Variants in VAC14 observed in about 807,000 individuals in gnomAD.
VAC14 encodes the protein protein VAC14 homolog.
VAC14 carries 47 observed loss-of-function variants against 85.3 expected under a neutral mutation model. The observed-to-expected ratio is 0.55, with a 90% CI of 0.44 to 0.70. The LOEUF is 0.70. Ranked by LOEUF, VAC14 falls within the 30% of genes least tolerant of loss-of-function variation. VAC14 has a pLI of 0.00. For missense variants in VAC14, 861 were observed against 1,004.3 expected (o/e 0.86, Z 1.93); for synonymous variants, 447 against 430.5 (o/e 1.04, Z -0.47).
intron 14 of VAC14, among the ~76,000 whole-genome samples, chr16:70,727,004 G>C (rs2054448763): frequency 6.6e-6 from 1 of 152,180 alleles, no homozygotes; most frequent in Non-Finnish European, 1.5e-5. Context: ...AACGCTCCCA[G>C]GGTCTTTAGG....
At position 70,784,287 on chromosome 16, in the gene VAC14, C is replaced by T. The variant is rs576797954; in HGVS notation, c.487-67G>A. The T allele has an allele frequency of 4.4e-6, 6 of 1,377,960 alleles. No homozygotes were observed. The East Asian group carries it at 1.2e-4, about 27-fold the overall frequency. The allele number at this position is 1,377,960 out of a possible 1,614,324, so 85.4% of individuals were successfully genotyped here. ...AGGGCTGCCTGACCTCGCTGAATCA[C>T]TTGCCCAGGGCTGGCTCCAGCGCTC... On this transcript the variant is annotated intron_variant, in intron 4 of 18. Transcript: ENST00000261776.
Position 70,786,306 on chromosome 16 carries a change from G to A in VAC14, c.164C>T (p.Thr55Ile). 1 of 1,614,248 alleles carries A rather than the reference G, an allele frequency of 6.2e-7. No homozygotes were observed. The highest frequency in any genetic ancestry group is 8.5e-7 in the Non-Finnish European group (1 of 1,180,044). Residue 55 changes from threonine (T) to isoleucine (I), a missense_variant, in exon 2 of 19, where the codon ACC becomes ATC. Thr to Ile is a moderately conservative substitution (Grantham distance 89). Transcript: ENST00000261776. ...NTVQIKHVIQ[T>I]LSQEFALSQH... ...AGACAGGGCAAACTCCTGGGACAGG[G>A]TCTGGATCACATGCTTGATTTGCAC...
At chr16:70,710,608 C>T (rs1052835920) in intron 14 of VAC14, among the ~76,000 whole-genome samples, 3 of 152,208 alleles carry the variant, frequency 2.0e-5, no homozygotes, top group Non-Finnish European at 2.9e-5. Flanking sequence ...AAACTAGTCC[C>T]TTTGTTCCAG....
At chr16:70,780,659 T>C (rs1009600815) in intron 9 of VAC14, 131 bp downstream of exon 9, 2 of 1,206,906 alleles carry the variant, frequency 1.7e-6, no homozygotes, top group Admixed American at 2.4e-5. Flanking sequence ...GCTGGGTTGC[T>C]GCTACAATTG....
chr16:70,783,160 G>A (rs975265018), intron 6 of VAC14, 21 bp from the exon 7 acceptor site: 1 of 1,610,270 alleles, frequency 6.2e-7, no homozygotes, highest in Non-Finnish European at 8.5e-7. Context: ...GAACAGGAAA[G>A]TGGAAACAGC....
intron 1 of VAC14, among the ~76,000 whole-genome samples, chr16:70,800,001 C>T (rs575330440): frequency 1.3e-5 from 2 of 152,360 alleles, no homozygotes; most frequent in African/African-American, 2.4e-5. Flanking sequence ...CCTTTTCTGA[C>T]TCGCAGACTG....
At position 70,706,632 on chromosome 16, in the gene VAC14, G is replaced by A. The variant is rs151240096; in HGVS notation, c.1662-7821C>T. Reference sequence around the variant, plus strand: ...GTTCAAGCGATTCTCTTGCCTTGGTGGCTGGGATTACAGGCATGTGCCACG... The same window carrying A: ...GTTCAAGCGATTCTCTTGCCTTGGTAGCTGGGATTACAGGCATGTGCCACG... On this transcript the variant is annotated intron_variant, in intron 14 of 18. Coordinates refer to ENST00000261776, the MANE Select transcript of VAC14 (RefSeq NM_018052.5). Among the ~76,000 whole-genome samples the A allele has an allele frequency of 2.5e-3, 387 of 152,276 alleles. 4 individuals carry two copies. Among genetic ancestry groups the A allele is most frequent in the African/African-American group, 9.1e-3 (377 of 41,546 alleles).
At chr16:70,696,149 TA>T (rs1303854221) in intron 16 of VAC14, among the ~76,000 whole-genome samples, 1 of 152,222 alleles carries the variant, frequency 6.6e-6, no homozygotes, top group Admixed American at 6.5e-5. Context: ...TGTTGCCTTC[TA>T]AATAGCACTC....
At position 70,762,578 on chromosome 16, in the gene VAC14, G is replaced by A; in HGVS notation, c.1333C>T (p.Pro445Ser). The A allele has an allele frequency of 6.2e-7, 1 of 1,614,162 alleles. No homozygotes were observed. Among genetic ancestry groups the A allele is most frequent in the Non-Finnish European group, 8.5e-7 (1 of 1,180,012 alleles). The stretch of plus-strand genomic sequence containing the variant: ...TCCGATAACGTCTGCAGTAGGATGG[G>A]AAAGAGGCTGTCCGTGTGCCGGAAC... ...KMFRHTDSLFPILLQTLSDES... is the reference protein window; with the variant it reads ...KMFRHTDSLFSILLQTLSDES... Residue 445 changes from proline to serine, a missense_variant, in exon 12 of 19, where the codon CCC becomes TCC. Physicochemically the swap from Pro to Ser is moderately conservative, Grantham distance 74. Around this residue, in one of 3 missense-constraint regions of VAC14, gnomAD observed 629 missense variants for 703.1 expected, o/e 0.89. Coordinates refer to ENST00000261776, the MANE Select transcript of VAC14 (RefSeq NM_018052.5). The surrounding 1 kb of genome is among the most constrained non-coding windows in gnomAD (Gnocchi z 4.1).
intron 14 of VAC14, chr16:70,716,352 G>A (rs1048876882): frequency 3.3e-5 from 5 of 152,244 alleles, no homozygotes; most frequent in African/African-American, 1.2e-4. Context: ...GTGAATCTTT[G>A]ACCCCTGTTC....
chr16:70,783,613 C>G (rs1567603480), intron 5 of VAC14, 59 bp from the exon 6 acceptor site: 1 of 1,558,850 alleles, frequency 6.4e-7, no homozygotes, highest in African/African-American at 1.4e-5. Context: ...TTCCTGCTCA[C>G]CAAGCCTCTG....
At chr16:70,777,180 A>G (rs1232655433) in intron 9 of VAC14, among the ~76,000 whole-genome samples, 1 of 151,752 alleles carries the variant, frequency 6.6e-6, no homozygotes, top group African/African-American at 2.4e-5. Context: ...CTTGACCTCA[A>G]ATGATCCGCC....
chr16:70,800,014 A>G (rs1167638716), intron 1 of VAC14, among the ~76,000 whole-genome samples: 2 of 152,234 alleles, frequency 1.3e-5, no homozygotes, highest in East Asian at 3.9e-4. Flanking sequence ...GCAGACTGGT[A>G]TTCTTCCAGT....
intron 14 of VAC14, among the ~76,000 whole-genome samples, chr16:70,720,193 T>G (rs1271851892): frequency 6.6e-6 from 1 of 152,190 alleles, no homozygotes; most frequent in African/African-American, 2.4e-5. Flanking sequence ...GGCTGTCACT[T>G]GCAGGAGACG....
intron 14 of VAC14, among the ~76,000 whole-genome samples, chr16:70,717,474 C>A (rs1032544327): frequency 4.6e-5 from 7 of 152,104 alleles, no homozygotes; most frequent in Non-Finnish European, 4.4e-5. Context: ...ATGTATTTTC[C>A]GGATATAGAT....
intron 10 of VAC14, chr16:70,769,408 C>G (rs2033052927): frequency 6.6e-6 from 1 of 152,436 alleles, no homozygotes; most frequent in African/African-American, 2.4e-5. Context: ...CAAGCTCAGT[C>G]TCACTGTGTC....
chr16:70,735,853 T>G (rs945243272), intron 13 of VAC14, among the ~76,000 whole-genome samples: 1 of 152,266 alleles, frequency 6.6e-6, no homozygotes, highest in Non-Finnish European at 1.5e-5. Flanking sequence ...AAAGAGTCTC[T>G]GCTCCCTGGC....
In VAC14 at chr16:70,731,128, C is replaced by T. The variant is rs571486820; in HGVS notation, c.1661+367G>A. Reference sequence around the variant, plus strand: ...CCACCAAGCCTGGCTAAATCCCGCACTGGGGGCTGGGCCTGGAGCACAGCC... The same window carrying T: ...CCACCAAGCCTGGCTAAATCCCGCATTGGGGGCTGGGCCTGGAGCACAGCC... On this transcript the variant is annotated intron_variant, in intron 14 of 18. Transcript: ENST00000261776. 9.6e-5 allele frequency: 29 copies of T among 301,998 alleles called. No individual in the cohort carries two copies. In the South Asian group the frequency reaches 2.1e-3, roughly 22 times the overall value. 18.7% of individuals were successfully genotyped at this position (301,998 alleles called of 1,614,324 possible).
chr16:70,689,119 A>T, intron 18 of VAC14: 1 of 982,434 alleles, frequency 1.0e-6, no homozygotes, highest in Non-Finnish European at 1.2e-6. Flanking sequence ...ACAGACCTGG[A>T]CCCAACCATA....
Sources: allele counts gnomAD v4.1 joint callset (sites outside exome capture counted in the v4.1 genomes callset), GRCh38; gene constraint gnomAD v4.1.1; regional missense constraint gnomAD v4.1.1; non-coding constraint Gnocchi (gnomAD v3.1); transcripts MANE v1.5; gene names NCBI Gene and HGNC (gene_info 2026-07-23, HGNC 2026-07-21).